The following DENND4C variants were observed in gnomAD, a reference collection of about 807,000 sequenced individuals.
The protein encoded by DENND4C is DENN domain containing 4C.
DENND4C carries 108 observed loss-of-function variants against 203.0 expected under a neutral mutation model. The ratio of observed to expected loss-of-function variants is 0.53; its 90% CI spans 0.46 to 0.62. The LOEUF is 0.62. Among genes scored for constraint, DENND4C ranks in the 20% least tolerant of loss-of-function variants. The pLI, the probability that DENND4C is intolerant of heterozygous loss-of-function variation, is 0.00. For synonymous variants in DENND4C, 871 were observed against 792.4 expected (o/e 1.10, Z -1.67); for missense variants, 2,481 against 2,301.2 (o/e 1.08, Z -1.60).
intron 1 of DENND4C, among the ~76,000 whole-genome samples, chr9:19,257,226 T>A (rs1197573360): frequency 6.7e-6 from 1 of 148,914 alleles, no homozygotes; most frequent in East Asian, 2.0e-4. Context: ...TGCGGTGGCT[T>A]GCACCTGTAA....
In DENND4C at chr9:19,346,426, C is replaced by G. The variant is rs1822898029; in HGVS notation, c.3657C>G (p.Asp1219Glu). The G allele has an allele frequency of 1.9e-6, 3 of 1,614,088 alleles. 1 individual carries two copies. Among genetic ancestry groups the G allele is most frequent in the South Asian group, 2.2e-5 (2 of 91,082 alleles). The change falls in exon 23 of 33, where the codon GAC (aspartate) becomes GAG (glutamate). Residue 1219 changes from aspartate to glutamate, a missense_variant. By Grantham distance (45) the Asp-to-Glu change is conservative. Around this residue, in one of 3 missense-constraint regions of DENND4C, gnomAD observed 2,289 missense variants for 2,113.3 expected, o/e 1.08. Coordinates refer to ENST00000434457, the MANE Select transcript of DENND4C (RefSeq NM_001330640.2). ...ATAGTAACAGTAATCAGTCCAGAGA[C>G]TTGAAAACAGTATCCAAAGATCTGA... is the stretch of plus-strand genomic sequence containing the variant. ...LSDSNSNQSR[D>E]LKTVSKDLRN... is the part of the protein sequence containing the mutation.
At chr9:19,255,770 A>G (rs554538676) in intron 1 of DENND4C, among the ~76,000 whole-genome samples, 79 of 152,372 alleles carry the variant, frequency 5.2e-4, no homozygotes, top group African/African-American at 1.9e-3. Flanking sequence ...CCATAATTTT[A>G]GTCAGAGATT....
chr9:19,316,350 A>G, intron 10 of DENND4C, 67 bp from the exon 11 acceptor site: 3 of 1,302,110 alleles, frequency 2.3e-6, no homozygotes, highest in Non-Finnish European at 3.3e-6. Context: ...AGGTTGATGC[A>G]AGAATTTTGT....
chr9:19,344,798 C>T (rs575494671), intron 22 of DENND4C, among the ~76,000 whole-genome samples: 3 of 151,846 alleles, frequency 2.0e-5, no homozygotes, highest in Non-Finnish European at 4.4e-5. Context: ...CCACCATGCC[C>T]GGCATAACCC....
chr9:19,265,586 A>G (rs1172070827), intron 1 of DENND4C, among the ~76,000 whole-genome samples: 2 of 151,964 alleles, frequency 1.3e-5, no homozygotes, highest in African/African-American at 4.8e-5. Flanking sequence ...TATATCTCCT[A>G]ATGCTATCCA....
At chr9:19,252,531 A>G (rs1014618222) in intron 1 of DENND4C, among the ~76,000 whole-genome samples, 14 of 152,180 alleles carry the variant, frequency 9.2e-5, no homozygotes, top group African/African-American at 3.1e-4. Flanking sequence ...GTGGTGAGCT[A>G]TAATGGCACC....
In DENND4C at chr9:19,369,855, C is replaced by T. The variant is rs1254662485; in HGVS notation, c.5543C>T (p.Ser1848Phe). Residue 1848 changes from serine to phenylalanine, a missense_variant, in exon 31 of 33, where the codon TCT (serine) becomes TTT (phenylalanine). By Grantham distance (155) the Ser-to-Phe change is radical. Around this residue, in one of 3 missense-constraint regions of DENND4C, gnomAD observed 2,289 missense variants for 2,113.3 expected, o/e 1.08. Transcript: ENST00000434457. ...TTGTTAGATTCTGAAAAGAAATCAT[C>T]TCTCCTGTCAGAGGAACAACAAGAA... is the stretch of plus-strand genomic sequence containing the variant. ...WRNFNSEKKS[S>F]LLSEEQQETS... 5 of 1,596,556 alleles carry T rather than the reference C, an allele frequency of 3.1e-6. No individual in the cohort carries two copies. Among genetic ancestry groups the T allele is most frequent in the Admixed American group, 1.8e-5 (1 of 56,898 alleles).
At chr9:19,309,845 A>G (rs1350429818) in intron 10 of DENND4C, among the ~76,000 whole-genome samples, 2 of 151,986 alleles carry the variant, frequency 1.3e-5, no homozygotes, top group Non-Finnish European at 2.9e-5. Flanking sequence ...TGGTTAATAT[A>G]TATTGTATTT....
rs1371069130 is a variant in DENND4C, at chr9:19,279,242, T to G, written c.305+2763T>G. On this transcript the variant is annotated intron_variant, in intron 2 of 32. Coordinates refer to ENST00000434457, the MANE Select transcript of DENND4C (RefSeq NM_001330640.2). ...TACTCAGGAGGCTGAGGCAGGAGAA[T>G]CACTTGAACCCGGGAGGCGGAGGTT... 2.4e-5 allele frequency among the ~76,000 whole-genome samples: 2 copies of G among 84,498 alleles called. 1 individual carries two copies. Among genetic ancestry groups the G allele is most frequent in the Admixed American group, 2.3e-4 (2 of 8,674 alleles). 55.4% of individuals were successfully genotyped at this position (84,498 alleles called of 152,430 possible).
At chr9:19,303,842 CTAAT>C (rs1839090310) in intron 9 of DENND4C, among the ~76,000 whole-genome samples, 1 of 151,996 alleles carries the variant, frequency 6.6e-6, no homozygotes, top group South Asian at 2.1e-4. Context: ...TTAGTACTAG[CTAAT>C]TATTAAATTT....
rs118123714 is a variant in DENND4C at position 19,360,890 on chromosome 9, T to C, written c.5406+401T>C. On this transcript the variant is annotated intron_variant, in intron 29 of 32. Transcript: ENST00000434457. ...ACTCAGTTATTAGGTCATATCTGTC[T>C]GCAAGGGTAGCTAGAAAATGTTGCC... Among the ~76,000 whole-genome samples the C allele has an allele frequency of 2.1e-3, 321 of 152,332 alleles. 1 individual carries two copies. Among genetic ancestry groups the C allele is most frequent in the Non-Finnish European group, 3.4e-3 (233 of 68,020 alleles).
chr9:19,269,641 T>G (rs1157149345), intron 1 of DENND4C, among the ~76,000 whole-genome samples: 1 of 152,278 alleles, frequency 6.6e-6, no homozygotes. Context: ...CTGATAGGAT[T>G]CTGAATTCCT....
At chr9:19,294,012 A>T (rs1322100045) in intron 5 of DENND4C, among the ~76,000 whole-genome samples, 1 of 152,152 alleles carries the variant, frequency 6.6e-6, no homozygotes, top group Non-Finnish European at 1.5e-5. Context: ...GGAATATTGG[A>T]TGAAGTGTTT....
chr9:19,359,842 A>C, intron 28 of DENND4C, among the ~76,000 whole-genome samples: 1 of 152,218 alleles, frequency 6.6e-6, no homozygotes, highest in Non-Finnish European at 1.5e-5. Context: ...AAGTCAACAA[A>C]GAATATTAAT....
Position 19,276,188 on chromosome 9 carries a change from A to G in DENND4C, c.14A>G (p.Lys5Arg), listed in dbSNP as rs1328208555. Residue 5 changes from lysine (K) to arginine (R), a missense_variant, in exon 2 of 33, where the codon AAA becomes AGA. Physicochemically the swap from Lys to Arg is conservative, Grantham distance 26. Coordinates refer to ENST00000434457, the MANE Select transcript of DENND4C (RefSeq NM_001330640.2). ...ACAGTAGCAGCCATGATAGAAGACA[A>G]AGGACCAAGAGTGACAGACTACTTT... MIED[K>R]GPRVTDYFVV... is the part of the protein sequence containing the mutation. 1.4e-5 allele frequency: 17 copies of G among 1,231,944 alleles called. No homozygotes were observed. Among genetic ancestry groups the G allele is most frequent in the Non-Finnish European group, 1.7e-5 (17 of 987,920 alleles). 76.3% of individuals were successfully genotyped at this position (1,231,944 alleles called of 1,614,324 possible). A position where few individuals can be genotyped will look rare whatever the true frequency, so the allele number is the denominator to read the frequency against.
At chr9:19,254,377 T>TAC (rs972621992) in intron 1 of DENND4C, among the ~76,000 whole-genome samples, 5 of 152,112 alleles carry the variant, frequency 3.3e-5, no homozygotes, top group Non-Finnish European at 7.4e-5. Flanking sequence ...AATTGTGGCA[T>TAC]ACACACACAC....
At chr9:19,324,895 T>C (rs887250689) in intron 13 of DENND4C, among the ~76,000 whole-genome samples, 1 of 152,110 alleles carries the variant, frequency 6.6e-6, no homozygotes, top group African/African-American at 2.4e-5. Flanking sequence ...TTTTTTAATT[T>C]TTGGTAGAGA....
chr9:19,321,352 G>A (rs1842842058), intron 12 of DENND4C, among the ~76,000 whole-genome samples: 1 of 152,114 alleles, frequency 6.6e-6, no homozygotes, highest in African/African-American at 2.4e-5. Context: ...TGGAATGTAA[G>A]GTAGAGTGGG....
At position 19,374,185 on chromosome 9, in the gene DENND4C, G is replaced by T. The variant is rs191947037; in HGVS notation, c.*2012G>T. ...GTAATCTTTAGAATCCCAATATTTT[G>T]TTTTTTCCATTCCTTCACTCGTAAC... On this transcript the variant is annotated 3_prime_UTR_variant, in exon 33 of 33. Transcript: ENST00000434457. Among the ~76,000 whole-genome samples, 1 of 151,912 alleles carries T rather than the reference G, an allele frequency of 6.6e-6. No homozygotes were observed. Among genetic ancestry groups the T allele is most frequent in the Non-Finnish European group, 1.5e-5 (1 of 67,976 alleles).
Sources: allele counts gnomAD v4.1 joint callset (sites outside exome capture counted in the v4.1 genomes callset), GRCh38; gene constraint gnomAD v4.1.1; regional missense constraint gnomAD v4.1.1; transcripts MANE v1.5; gene names NCBI Gene and HGNC (gene_info 2026-07-23, HGNC 2026-07-21).